Variants in JMJD7 observed in about 807,000 individuals in gnomAD.
JMJD7 encodes the protein jumonji domain containing 7, also known as bifunctional peptidase and (3S)-lysyl hydroxylase JMJD7.
Under a neutral mutation model 41.1 loss-of-function variants are expected in JMJD7, and 41 were observed. That is an observed-to-expected ratio of 1.00 (90% CI 0.78 to 1.30). JMJD7 has a LOEUF of 1.30. JMJD7 is among the 50% of genes most tolerant of loss of function. The pLI is 0.00. For synonymous variants in JMJD7, 202 were observed against 177.2 expected, an observed-to-expected ratio of 1.14 and a Z score of -1.11; for missense variants, 480 against 420.7, an observed-to-expected ratio of 1.14 and a Z score of -1.23.
At chr15:41,835,748 G>A (rs543004728) in intron 4 of JMJD7, 104 bp downstream of exon 4, 4 of 1,384,920 alleles carry the variant, frequency 2.9e-6, no homozygotes, top group African/African-American at 2.9e-5. Context: ...AGGTTGGGCT[G>A]TTCTCTAAGA....
Position 41,835,062 on chromosome 15 carries a change from A to T in JMJD7, c.311A>T (p.Glu104Val), listed in dbSNP as rs775317128. The change falls in exon 3 of 8, where the codon GAG becomes GTG. Residue 104 changes from glutamate (E) to valine (V), a missense_variant. Transcript: ENST00000397299. ...VRGDRFMMPAERRLPLSFVLD... is the reference protein window; with the variant it reads ...VRGDRFMMPAVRRLPLSFVLD... ...GGGGATCGCTTCATGATGCCAGCTG[A>T]GCGCCGCCTGCCCCTGAGCTTCGTG... 1 of 1,613,734 alleles carries T rather than the reference A, an allele frequency of 6.2e-7. No individual in the cohort carries two copies. The highest frequency in any genetic ancestry group is 8.5e-7 in the Non-Finnish European group (1 of 1,180,020).
At position 41,836,222 on chromosome 15, in the gene JMJD7, G is replaced by T; in HGVS notation, c.604G>T (p.Asp202Tyr). The T allele has an allele frequency of 5.0e-6, 8 of 1,613,024 alleles. No homozygotes were observed. Among genetic ancestry groups the T allele is most frequent in the South Asian group, 1.1e-5 (1 of 90,944 alleles). ...GCATTTCCTGTTCCATCCGCCCAGC[G>T]ACCGGCCCTTCATCCCCTATGGTAG... is the stretch of plus-strand genomic sequence containing the variant. The part of the protein sequence containing the change: ...EKHFLFHPPS[D>Y]RPFIPYELYT... The change falls in exon 5 of 8, where the codon GAC becomes TAC. Residue 202 changes from aspartate to tyrosine, a missense_variant. Transcript: ENST00000397299.
chr15:41,836,894 G>A lies in JMJD7; in HGVS notation c.816G>A (p.Pro272=), dbSNP rs1276446048. 5.6e-6 allele frequency: 9 copies of A among 1,613,406 alleles called. No individual in the cohort carries two copies. Among genetic ancestry groups the A allele is most frequent in the Middle Eastern group, 1.6e-4 (1 of 6,082 alleles). Residue 272 remains proline (P), a synonymous_variant, in exon 7 of 8, where the codon CCG becomes CCA. Transcript: ENST00000397299. ...GGGCCGGTGAGATGCTCTATCTGCC[G>A]GCTCTGTGGTTCCACCACGTCCAGC... The part of the protein sequence containing the change: ...TVRAGEMLYL[P]ALWFHHVQQS...
At chr15:41,836,673 T>C (rs1329039503) in intron 6 of JMJD7, 108 bp from the exon 7 acceptor site, 1 of 1,470,520 alleles carries the variant, frequency 6.8e-7, no homozygotes, top group Non-Finnish European at 9.0e-7. Context: ...TCTGAGGCCT[T>C]TCACTGCTGA....
chr15:41,836,681 T>G, intron 6 of JMJD7, 100 bp from the exon 7 acceptor site: 1 of 1,477,034 alleles, frequency 6.8e-7, no homozygotes, highest in Non-Finnish European at 9.0e-7. Context: ...CTTTCACTGC[T>G]GAGCCAAGCA....
At chr15:41,836,587 A>G in intron 6 of JMJD7, 36 bp downstream of exon 6, 4 of 1,519,234 alleles carry the variant, frequency 2.6e-6, no homozygotes, top group Non-Finnish European at 3.5e-6. Flanking sequence ...GGGAGGGAGA[A>G]GGGCAGAAGC....
chr15:41,831,591 C>CT (rs1482548973), intron 1 of JMJD7, among the ~76,000 whole-genome samples: 1 of 152,212 alleles, frequency 6.6e-6, no homozygotes, highest in Admixed American at 6.5e-5. Context: ...ACACTCCAGT[C>CT]TGAGTGAGCA....
Position 41,836,518 on chromosome 15 carries a change from C to A in JMJD7, c.669C>A (p.Thr223=). Residue 223 remains threonine, a synonymous_variant, in exon 6 of 8, where the codon ACC becomes ACA. Coordinates refer to ENST00000397299, the MANE Select transcript of JMJD7 (RefSeq NM_001114632.2). ...PATYQLTEEG[T]FKVVDEEAME... is the part of the protein sequence containing the mutation. ...CCTACCAGCTAACTGAAGAGGGCACCTTTAAGGTGGTGGATGAAGAGGCCA... is the reference window on the plus strand; with the variant it reads ...CCTACCAGCTAACTGAAGAGGGCACATTTAAGGTGGTGGATGAAGAGGCCA... 2 of 1,592,834 alleles carry A rather than the reference C, an allele frequency of 1.3e-6. No homozygotes were observed. Among genetic ancestry groups the A allele is most frequent in the Non-Finnish European group, 1.7e-6 (2 of 1,169,318 alleles).
chr15:41,836,040 C>G, intron 4 of JMJD7, 108 bp from the exon 5 acceptor site: 1 of 1,241,450 alleles, frequency 8.1e-7, no homozygotes, highest in East Asian at 2.4e-5. Context: ...GCGTGCTTCT[C>G]TTTTGTCATA....
At chr15:41,828,517 C>A (rs1567162709) in intron 1 of JMJD7, 3 of 262,212 alleles carry the variant, frequency 1.1e-5, no homozygotes, top group Non-Finnish European at 1.4e-5. Flanking sequence ...ATTCCTCCCC[C>A]ACGCGCCCCA....
At position 41,834,866 on chromosome 15, in the gene JMJD7, T is replaced by C; in HGVS notation, c.191T>C (p.Leu64Pro). Reference protein sequence around the residue: ...IRNALQHWPALQKWSLPYFRA... With the variant: ...IRNALQHWPAPQKWSLPYFRA... The stretch of plus-strand genomic sequence containing the variant: ...AACGCTCTGCAGCACTGGCCGGCCC[T>C]CCAGAAGTGGTCCCTCCCCTATTTC... Residue 64 changes from leucine (L) to proline (P), a missense_variant, in exon 2 of 8, where the codon CTC becomes CCC. Transcript: ENST00000397299. 6.2e-7 allele frequency: 1 copy of C among 1,614,154 alleles called. No individual in the cohort carries two copies. Among genetic ancestry groups the C allele is most frequent in the East Asian group, 2.2e-5 (1 of 44,880 alleles).
At chr15:41,831,067 G>A (rs375893547) in intron 1 of JMJD7, among the ~76,000 whole-genome samples, 3 of 152,352 alleles carry the variant, frequency 2.0e-5, no homozygotes, top group African/African-American at 7.2e-5. Flanking sequence ...GGACCGGAAT[G>A]GGAACTTTTG....
rs749909571 is a variant in JMJD7 at position 41,836,163 on chromosome 15, A to G, written c.545A>G (p.Tyr182Cys). 16 of 1,607,300 alleles carry G rather than the reference A, an allele frequency of 1.0e-5. No individual in the cohort carries two copies. The highest frequency in any genetic ancestry group is 1.3e-5 in the African/African-American group (1 of 74,690). Residue 182 changes from tyrosine (Y) to cysteine (C), a missense_variant, in exon 5 of 8, where the codon TAT becomes TGT. Physicochemically the swap from Tyr to Cys is radical, Grantham distance 194. Coordinates refer to ENST00000397299, the MANE Select transcript of JMJD7 (RefSeq NM_001114632.2). ...AAVTSLHKDHYENLYCVVSGE... is the reference protein window; with the variant it reads ...AAVTSLHKDHCENLYCVVSGE... ...CTGTTGGCAGTGCACAAGGACCACT[A>G]TGAGAACCTCTACTGCGTGGTCTCA...
intron 1 of JMJD7, among the ~76,000 whole-genome samples, chr15:41,834,470 C>T (rs2065278502): frequency 6.6e-6 from 1 of 152,274 alleles, no homozygotes; most frequent in Non-Finnish European, 1.5e-5. Context: ...ACTGTGCAGA[C>T]ACAGCCCCAC....
At chr15:41,829,669 C>T (rs1320789097) in intron 1 of JMJD7, among the ~76,000 whole-genome samples, 2 of 152,138 alleles carry the variant, frequency 1.3e-5, no homozygotes, top group African/African-American at 2.4e-5. Flanking sequence ...ACTTGGAAGC[C>T]CCAGGAGAGG....
rs770851492 is a variant in JMJD7 at position 41,836,461 on chromosome 15, C to T, written c.626-14C>T. ...GTTTGCAATTCCCCCACACCCTTCT[C>T]CCTTGGGCTCCAGAGCTGTACACGC... On this transcript the variant is annotated splice_polypyrimidine_tract_variant and intron_variant, in intron 5 of 7. Transcript: ENST00000397299. 3.2e-5 allele frequency: 50 copies of T among 1,572,110 alleles called. No homozygotes were observed. Among genetic ancestry groups the T allele is most frequent in the Middle Eastern group, 1.7e-4 (1 of 6,026 alleles).
chr15:41,831,060 C>T (rs1339281762), intron 1 of JMJD7, among the ~76,000 whole-genome samples: 1 of 152,230 alleles, frequency 6.6e-6, no homozygotes, highest in African/African-American at 2.4e-5. Flanking sequence ...GTTCCATGGA[C>T]CGGAATGGGA....
At chr15:41,835,535 C>T (rs897415308) in intron 3 of JMJD7, 53 bp from the exon 4 acceptor site, 13 of 1,588,180 alleles carry the variant, frequency 8.2e-6, no homozygotes, top group Non-Finnish European at 1.1e-5. Context: ...CACTGGATGG[C>T]AGCTTTCCCC....
intron 1 of JMJD7, among the ~76,000 whole-genome samples, chr15:41,831,506 C>T (rs756696394): frequency 6.6e-6 from 1 of 152,206 alleles, no homozygotes; most frequent in South Asian, 2.1e-4. Context: ...ATGGAAACCA[C>T]GGCCTTTTGG....
Sources: allele counts gnomAD v4.1 joint callset (sites outside exome capture counted in the v4.1 genomes callset), GRCh38; gene constraint gnomAD v4.1.1; transcripts MANE v1.5; gene names NCBI Gene and HGNC (gene_info 2026-07-23, HGNC 2026-07-21).